Variants in PSMA6 observed in about 807,000 individuals in gnomAD.
The protein encoded by PSMA6 is proteasome 20S subunit alpha 6.
For missense variants in PSMA6, 170 were observed against 294.8 expected (o/e 0.58, Z 3.10); for synonymous variants, 88 against 97.7 (o/e 0.90, Z 0.59).
At chr14:35,298,085 C>T (rs2051633740) in intron 1 of PSMA6, among the ~76,000 whole-genome samples, 1 of 152,054 alleles carries the variant, frequency 6.6e-6, no homozygotes, top group Admixed American at 6.6e-5. Flanking sequence ...GTAAAAATGG[C>T]AGTTTCGTGT....
chr14:35,291,251 T>C (rs1566550363), upstream of PSMA6, among the ~76,000 whole-genome samples: 1 of 150,180 alleles, frequency 6.7e-6, no homozygotes, highest in Non-Finnish European at 1.5e-5. Context: ...GGAGTCTCGC[T>C]CTGTCGCCCA....
At chr14:35,279,350 T>C (rs1359867783) in intron 1 of PSMA6, among the ~76,000 whole-genome samples, 1 of 151,974 alleles carries the variant, frequency 6.6e-6, no homozygotes, top group Non-Finnish European at 1.5e-5. Context: ...CTCGGCCTCA[T>C]GTATTCTAAT....
At chr14:35,279,662 G>C (rs1431401139) in intron 1 of PSMA6, among the ~76,000 whole-genome samples, 4 of 152,180 alleles carry the variant, frequency 2.6e-5, no homozygotes, top group Non-Finnish European at 5.9e-5. Flanking sequence ...ACTCTGGTCA[G>C]GCCATGTTTT....
chr14:35,282,432 A>C, intron 1 of PSMA6, among the ~76,000 whole-genome samples: 1 of 147,186 alleles, frequency 6.8e-6, no homozygotes, highest in East Asian at 2.0e-4. Context: ...TTAAAAAAAA[A>C]TTTTTTTTTT....
intron 1 of PSMA6, among the ~76,000 whole-genome samples, chr14:35,307,109 C>T (rs973928416): frequency 6.6e-6 from 1 of 152,148 alleles, no homozygotes; most frequent in Non-Finnish European, 1.5e-5. Context: ...GATCGTGCCA[C>T]CTCACTCCAA....
intron 3 of PSMA6, chr14:35,310,406 T>C (rs965677876): frequency 2.3e-5 from 8 of 351,260 alleles, no homozygotes; most frequent in Non-Finnish European, 3.3e-5. Context: ...TCCGCCTCTC[T>C]TGGCCTCCCA....
intron 1 of PSMA6, among the ~76,000 whole-genome samples, chr14:35,306,597 A>C (rs1475352488): frequency 6.6e-6 from 1 of 151,784 alleles, no homozygotes; most frequent in Non-Finnish European, 1.5e-5. Flanking sequence ...CCAACTACTC[A>C]GGACGAGGCC....
At chr14:35,291,801 C>CA (rs1285319971), upstream of PSMA6, among the ~76,000 whole-genome samples, 2 of 108,174 alleles carry the variant, frequency 1.8e-5, no homozygotes, top group Admixed American at 2.6e-4. Flanking sequence ...CCAGCCTGGG[C>CA]AACAAGGGCG....
intron 1 of PSMA6, among the ~76,000 whole-genome samples, chr14:35,295,780 A>G (rs891291959): frequency 6.6e-6 from 1 of 152,144 alleles, no homozygotes; most frequent in Non-Finnish European, 1.5e-5. Flanking sequence ...GTACATATGC[A>G]GGTTGTATGT....
intron 1 of PSMA6, among the ~76,000 whole-genome samples, chr14:35,282,947 G>A (rs1287769367): frequency 6.6e-6 from 1 of 151,616 alleles, no homozygotes; most frequent in East Asian, 2.0e-4. Context: ...GGCTCAAGCG[G>A]TTCTCCTGCC....
intron 3 of PSMA6, 50 bp downstream of exon 3, chr14:35,309,045 G>C (rs1334717803): frequency 7.6e-7 from 1 of 1,308,954 alleles, no homozygotes; most frequent in Non-Finnish European, 1.1e-6. Context: ...CAAGCCTTTT[G>C]TTATTTTCTT....
Position 35,308,952 on chromosome 14 carries a change from C to G in PSMA6, c.210C>G (p.Phe70Leu). The G allele has an allele frequency of 6.2e-7, 1 of 1,610,028 alleles. No individual in the cohort carries two copies. Among genetic ancestry groups the G allele is most frequent in the Non-Finnish European group, 8.5e-7 (1 of 1,177,352 alleles). ...ATTCCAGCACAGTGACTCACTTATT[C>G]AAGATAACTGAAAACATTGGTTGTG... ...LLDSSTVTHL[F>L]KITENIGCVM... The change falls in exon 3 of 7, where the codon TTC (phenylalanine) becomes TTG (leucine). Residue 70 changes from phenylalanine (F) to leucine (L), a missense_variant. Physicochemically the swap from Phe to Leu is conservative, Grantham distance 22. Coordinates refer to ENST00000261479, the MANE Select transcript of PSMA6 (RefSeq NM_002791.3).
chr14:35,296,471 C>T (rs1297525805), intron 1 of PSMA6, among the ~76,000 whole-genome samples: 3 of 152,108 alleles, frequency 2.0e-5, no homozygotes, highest in Non-Finnish European at 4.4e-5. Flanking sequence ...GCTGGGATTA[C>T]AGGCGCCTGC....
intron 4 of PSMA6, 179 bp downstream of exon 4, chr14:35,311,074 G>A: frequency 5.3e-6 from 3 of 569,734 alleles, no homozygotes; most frequent in Non-Finnish European, 8.9e-6. Flanking sequence ...AGTATGTCGG[G>A]CATTATCTTT....
At chr14:35,297,232 G>C (rs778098118) in intron 1 of PSMA6, among the ~76,000 whole-genome samples, 12 of 146,684 alleles carry the variant, frequency 8.2e-5, no homozygotes, top group Non-Finnish European at 1.8e-4. Context: ...ATTTTTTTGG[G>C]GGGGATTGAG....
intron 1 of PSMA6, among the ~76,000 whole-genome samples, chr14:35,284,717 G>C (rs2051402670): frequency 1.3e-5 from 2 of 151,930 alleles, no homozygotes; most frequent in African/African-American, 2.4e-5. Context: ...TGGCTAAGTG[G>C]GAACTTAATC....
chr14:35,312,631 A>G, intron 4 of PSMA6: 2 of 428,948 alleles, frequency 4.7e-6, no homozygotes, highest in Non-Finnish European at 8.1e-6. Context: ...CTATTTTTAA[A>G]TTGTATTTGT....
chr14:35,300,748 CG>C (rs1483117334), intron 1 of PSMA6, among the ~76,000 whole-genome samples: 4 of 152,084 alleles, frequency 2.6e-5, no homozygotes, highest in Admixed American at 1.3e-4. Context: ...GCACTTTCCC[CG>C]CTCTTCTAGA....
At chr14:35,315,761 C>T (rs1272971195) in intron 6 of PSMA6, 1 of 151,548 alleles carries the variant, frequency 6.6e-6, no homozygotes, top group African/African-American at 2.4e-5. Context: ...TCTAAGGAAC[C>T]TACAATTAGT....
Sources: allele counts gnomAD v4.1 joint callset (sites outside exome capture counted in the v4.1 genomes callset), GRCh38; gene constraint gnomAD v4.1.1; transcripts MANE v1.5; gene names NCBI Gene and HGNC (gene_info 2026-07-23, HGNC 2026-07-21).